BMPER: variants seen among roughly 807,000 people sequenced by gnomAD.
BMPER encodes the protein BMP binding endothelial regulator, also known as BMP-binding endothelial regulator protein.
In BMPER, 45 loss-of-function variants were observed where a neutral mutation model predicts 87.3. The observed-to-expected ratio is 0.52, with a 90% confidence interval of 0.41 to 0.66. BMPER has a LOEUF of 0.66. BMPER is among the 30% of genes least tolerant of loss of function. The pLI is 0.00. For missense variants in BMPER, 784 were observed against 867.5 expected (o/e 0.90, Z 1.21); for synonymous variants, 326 against 316.2 (o/e 1.03, Z -0.33).
chr7:33,958,799 C>T (rs1322717246), intron 3 of BMPER, among the ~76,000 whole-genome samples: 1 of 152,066 alleles, frequency 6.6e-6, no homozygotes, highest in African/African-American at 2.4e-5. Flanking sequence ...TTATGAGGTC[C>T]TTGTTATGTG....
At chr7:33,938,736 G>C (rs914587996) in intron 3 of BMPER, among the ~76,000 whole-genome samples, 11 of 152,252 alleles carry the variant, frequency 7.2e-5, no homozygotes, top group Middle Eastern at 3.4e-3. Flanking sequence ...TGTTAAGTGA[G>C]GACAGCAGGT....
intron 6 of BMPER, among the ~76,000 whole-genome samples, chr7:34,032,784 T>C (rs1446780068): frequency 1.3e-5 from 2 of 152,168 alleles, no homozygotes; most frequent in Non-Finnish European, 2.9e-5. Context: ...CACTTTGCTC[T>C]AGTGGTTTCC....
At chr7:34,126,803 A>G (rs1031429998) in intron 13 of BMPER, among the ~76,000 whole-genome samples, 2 of 152,218 alleles carry the variant, frequency 1.3e-5, no homozygotes, top group Non-Finnish European at 2.9e-5. Flanking sequence ...AGTATTATAT[A>G]GACATAATGC....
At chr7:34,017,176 G>T (rs1194234884) in intron 6 of BMPER, among the ~76,000 whole-genome samples, 2 of 151,920 alleles carry the variant, frequency 1.3e-5, no homozygotes, top group Non-Finnish European at 2.9e-5. Context: ...GGAGAGTCTG[G>T]TTCGGTAGGT....
intron 3 of BMPER, among the ~76,000 whole-genome samples, chr7:33,949,137 C>G (rs1031543962): frequency 6.6e-6 from 1 of 152,046 alleles, no homozygotes; most frequent in African/African-American, 2.4e-5. Context: ...ATCTGGGAAC[C>G]CTCAACTCAA....
intron 2 of BMPER, among the ~76,000 whole-genome samples, chr7:33,916,593 A>C (rs1197717328): frequency 2.0e-5 from 3 of 152,242 alleles, no homozygotes; most frequent in Non-Finnish European, 2.9e-5. Context: ...CTGCACATTC[A>C]TACAGCCTTC....
intron 2 of BMPER, among the ~76,000 whole-genome samples, chr7:33,925,926 CTT>C (rs1250202157): frequency 6.6e-6 from 1 of 152,154 alleles, no homozygotes; most frequent in East Asian, 1.9e-4. Flanking sequence ...AACCAGGAGA[CTT>C]TGGATGATTT....
chr7:33,936,151 C>T (rs535833688), intron 2 of BMPER, among the ~76,000 whole-genome samples: 1 of 152,178 alleles, frequency 6.6e-6, no homozygotes, highest in African/African-American at 2.4e-5. Flanking sequence ...ATACTGGGTA[C>T]ACTTGAGAAT....
At position 34,058,138 on chromosome 7, in the gene BMPER, GCATT is replaced by G; in HGVS notation, c.1009_1012del (p.Ile337ProfsTer53). 1 of 1,614,094 alleles carries G rather than the reference GCATT, an allele frequency of 6.2e-7. No homozygotes were observed. Among genetic ancestry groups the G allele is most frequent in the Non-Finnish European group, 8.5e-7 (1 of 1,179,964 alleles). ...AGGACGGAGTGTCGCAATAAGCAGTGCATTCCCATCAGTAGCTGCCCACAGGTAT... is the reference window on the plus strand; with the variant it reads ...AGGACGGAGTGTCGCAATAAGCAGTGCCCATCAGTAGCTGCCCACAGGTAT... On this transcript the variant is annotated frameshift_variant, in exon 10 of 15. Coordinates refer to ENST00000649409, the MANE Select transcript of BMPER (RefSeq NM_001365308.1). LOFTEE classifies it high-confidence loss of function.
intron 13 of BMPER, among the ~76,000 whole-genome samples, chr7:34,111,986 A>T (rs1300021637): frequency 1.3e-5 from 2 of 152,130 alleles, no homozygotes; most frequent in Admixed American, 6.5e-5. Flanking sequence ...TGCTGGAATT[A>T]AAAAAAATCT....
chr7:34,065,203 A>ACCCTCTCT, intron 11 of BMPER, among the ~76,000 whole-genome samples: 1 of 97,342 alleles, frequency 1.0e-5, no homozygotes, highest in South Asian at 3.9e-4. Flanking sequence ...ATACACACTC[A>ACCCTCTCT]CTCTCTCTCT....
intron 11 of BMPER, among the ~76,000 whole-genome samples, chr7:34,065,778 G>C (rs1317288517): frequency 1.3e-5 from 2 of 152,188 alleles, no homozygotes; most frequent in East Asian, 3.8e-4. Flanking sequence ...AAGCATGCAG[G>C]TTTTGAGTAA....
rs192357600 is a variant in BMPER at position 34,125,872 on chromosome 7, A to G, written c.1746-17358A>G. Among the ~76,000 whole-genome samples, 179 of 152,344 alleles carry G rather than the reference A, an allele frequency of 1.2e-3. 1 individual carries two copies. The highest frequency in any genetic ancestry group is 2.2e-3 in the Non-Finnish European group (152 of 68,038). Reference sequence around the variant, plus strand: ...TTGTGAAAACATGGATCATTCTTCAATAAGGTTTTCTTTTCCTCTGAAATG... The same window carrying G: ...TTGTGAAAACATGGATCATTCTTCAGTAAGGTTTTCTTTTCCTCTGAAATG... On this transcript the variant is annotated intron_variant, in intron 13 of 14. Coordinates refer to ENST00000649409, the MANE Select transcript of BMPER (RefSeq NM_001365308.1).
intron 3 of BMPER, among the ~76,000 whole-genome samples, chr7:33,951,135 C>T (rs1785010435): frequency 2.0e-5 from 3 of 151,822 alleles, no homozygotes; most frequent in Non-Finnish European, 4.4e-5. Context: ...GCAACCTCTG[C>T]CTCCCAGGTT....
At chr7:33,979,620 G>C (rs993932170) in intron 6 of BMPER, among the ~76,000 whole-genome samples, 3 of 152,030 alleles carry the variant, frequency 2.0e-5, no homozygotes, top group Non-Finnish European at 4.4e-5. Context: ...GCCTATTCTC[G>C]TCTGGGAGAG....
chr7:33,954,131 A>G (rs1785093765), intron 3 of BMPER, among the ~76,000 whole-genome samples: 1 of 152,166 alleles, frequency 6.6e-6, no homozygotes, highest in Admixed American at 6.5e-5. Context: ...CAGGCTTGGG[A>G]TCCCCTGGAA....
At chr7:34,133,539 T>G (rs1287290736) in intron 13 of BMPER, among the ~76,000 whole-genome samples, 1 of 152,098 alleles carries the variant, frequency 6.6e-6, no homozygotes, top group East Asian at 1.9e-4. Context: ...CTGGGCAACT[T>G]AAGTGTTTCC....
chr7:34,139,431 G>A (rs1384056063), intron 13 of BMPER, among the ~76,000 whole-genome samples: 1 of 152,180 alleles, frequency 6.6e-6, no homozygotes, highest in Non-Finnish European at 1.5e-5. Flanking sequence ...TATCTTTCAT[G>A]ATATTCTTTT....
intron 6 of BMPER, among the ~76,000 whole-genome samples, chr7:34,034,637 T>G (rs1326826886): frequency 6.6e-6 from 1 of 152,222 alleles, no homozygotes; most frequent in East Asian, 1.9e-4. Flanking sequence ...TGTGTTCTAC[T>G]CAATTATAGG....
Sources: allele counts gnomAD v4.1 joint callset (sites outside exome capture counted in the v4.1 genomes callset), GRCh38; gene constraint gnomAD v4.1.1; transcripts MANE v1.5; gene names NCBI Gene and HGNC (gene_info 2026-07-23, HGNC 2026-07-21).